DCDC1: variants seen among roughly 807,000 people sequenced by gnomAD.
DCDC1 encodes doublecortin domain-containing protein 1.
Under a neutral mutation model 178.3 loss-of-function variants are expected in DCDC1, and 200 were observed. The observed-to-expected ratio is 1.12, with a 90% CI of 1.00 to 1.26. The LOEUF (loss-of-function observed/expected upper bound fraction) is 1.26, where lower values mean the gene tolerates loss of function less well. DCDC1 is among the 50% of genes most tolerant of loss of function. The pLI is 0.00. For synonymous variants in DCDC1, 690 were observed against 604.8 expected, an observed-to-expected ratio of 1.14 and a Z score of -2.07; for missense variants, 1,983 against 1,749.2, an observed-to-expected ratio of 1.13 and a Z score of -2.38.
chr11:31,066,567 C>T (rs1451245094), intron 18 of DCDC1, among the ~76,000 whole-genome samples: 1 of 152,116 alleles, frequency 6.6e-6, no homozygotes, highest in Non-Finnish European at 1.5e-5. Context: ...TACTAAATAA[C>T]TTTTAACTTT....
intron 8 of DCDC1, among the ~76,000 whole-genome samples, chr11:31,257,780 A>G (rs1482786594): frequency 6.6e-6 from 1 of 151,956 alleles, no homozygotes; most frequent in Non-Finnish European, 1.5e-5. Context: ...GGTGAAGGAG[A>G]TCCATTCAAG....
At chr11:30,977,799 C>T (rs1412146409) in intron 20 of DCDC1, among the ~76,000 whole-genome samples, 2 of 152,100 alleles carry the variant, frequency 1.3e-5, no homozygotes, top group Non-Finnish European at 2.9e-5. Context: ...GGCATTGTGG[C>T]TTGCCTGTAT....
rs1190005127 is a variant in DCDC1, at chr11:31,031,964, C to A, written c.2591+32505G>T. Among the ~76,000 whole-genome samples, 3 of 152,040 alleles carry A rather than the reference C, an allele frequency of 2.0e-5. No homozygotes were observed. In the East Asian group the frequency reaches 5.8e-4, roughly 29 times the overall value. On this transcript the variant is annotated intron_variant, in intron 20 of 38. Coordinates refer to ENST00000684477, the MANE Select transcript of DCDC1 (RefSeq NM_001387274.1). ...TTGATATTCTGTAAATAATATTTTTCTAAGTGGTATATATTTAGTTAAATC... is the reference window on the plus strand; with the variant it reads ...TTGATATTCTGTAAATAATATTTTTATAAGTGGTATATATTTAGTTAAATC...
intron 9 of DCDC1, among the ~76,000 whole-genome samples, chr11:31,196,020 C>T (rs909257308): frequency 1.3e-5 from 2 of 152,040 alleles, no homozygotes; most frequent in South Asian, 4.1e-4. Flanking sequence ...CATCAAGGGC[C>T]AGTCTTGATT....
chr11:31,313,184 A>T (rs1948868527), intron 3 of DCDC1, among the ~76,000 whole-genome samples: 5 of 152,166 alleles, frequency 3.3e-5, no homozygotes, highest in Admixed American at 2.6e-4. Context: ...AGATTAAAAA[A>T]TAATTTTCCA....
At chr11:30,877,180 C>T (rs1942211401) in intron 38 of DCDC1, among the ~76,000 whole-genome samples, 1 of 152,120 alleles carries the variant, frequency 6.6e-6, no homozygotes, top group African/African-American at 2.4e-5. Flanking sequence ...GGAGTAAATA[C>T]TAGGCCTTTT....
In DCDC1 at chr11:31,314,864, C is replaced by T. The variant is rs114732970; in HGVS notation, c.165-6956G>A. Among the ~76,000 whole-genome samples the T allele has an allele frequency of 2.0e-3, 309 of 152,194 alleles. 1 individual carries two copies. The highest frequency in any genetic ancestry group is 7.0e-3 in the African/African-American group (292 of 41,512). On this transcript the variant is annotated intron_variant, in intron 3 of 38. Transcript: ENST00000684477. ...TGATATCTCATTATATTTACAGGTC[C>T]TAAAGATCTTAAACATGGTGGAATT...
intron 20 of DCDC1, among the ~76,000 whole-genome samples, chr11:31,057,716 C>G (rs1955674564): frequency 6.6e-6 from 1 of 152,082 alleles, no homozygotes. Context: ...TTGGGTCTAT[C>G]AAGTACATGG....
rs144331734 is a variant in DCDC1, at chr11:31,103,035, G to A, written c.1877+609C>T. Among the ~76,000 whole-genome samples, 128 of 152,316 alleles carry A rather than the reference G, an allele frequency of 8.4e-4. 1 individual carries two copies. Among genetic ancestry groups the A allele is most frequent in the Non-Finnish European group, 1.5e-3 (101 of 68,026 alleles). On this transcript the variant is annotated intron_variant, in intron 14 of 38. Coordinates refer to ENST00000684477, the MANE Select transcript of DCDC1 (RefSeq NM_001387274.1). ...ATGGAATAATAGGAGTAACGTAATT[G>A]TTGTGAGAATTAAATCGATCCTTAC...
At chr11:31,223,884 C>G (rs1452647136) in intron 9 of DCDC1, among the ~76,000 whole-genome samples, 2 of 151,888 alleles carry the variant, frequency 1.3e-5, no homozygotes, top group African/African-American at 4.8e-5. Flanking sequence ...TTGGCTGTGT[C>G]CCCACCAAAT....
At chr11:31,299,867 TA>T (rs1229759877) in intron 6 of DCDC1, among the ~76,000 whole-genome samples, 20 of 152,128 alleles carry the variant, frequency 1.3e-4, no homozygotes, top group Non-Finnish European at 2.4e-4. Flanking sequence ...TTTATTTATT[TA>T]TTTTTTTTGA....
At chr11:31,095,315 G>T (rs1958080218) in intron 15 of DCDC1, among the ~76,000 whole-genome samples, 1 of 152,124 alleles carries the variant, frequency 6.6e-6, no homozygotes, top group South Asian at 2.1e-4. Flanking sequence ...TAATGGGATT[G>T]CTGGGTCAAT....
intron 11 of DCDC1, among the ~76,000 whole-genome samples, chr11:31,120,943 A>G (rs1960707760): frequency 6.6e-6 from 1 of 152,168 alleles, no homozygotes; most frequent in Non-Finnish European, 1.5e-5. Context: ...AGTTGCATGG[A>G]AAGAACAGGA....
At chr11:31,299,148 C>T (rs1456259417) in intron 6 of DCDC1, among the ~76,000 whole-genome samples, 1 of 152,184 alleles carries the variant, frequency 6.6e-6, no homozygotes, top group Non-Finnish European at 1.5e-5. Flanking sequence ...AGTTTCTAGT[C>T]ACTCCCTTTT....
intron 37 of DCDC1, among the ~76,000 whole-genome samples, chr11:30,879,198 C>T (rs771515429): frequency 1.2e-4 from 19 of 152,102 alleles, no homozygotes; most frequent in Non-Finnish European, 2.8e-4. Flanking sequence ...TATTATAATG[C>T]ATAAAATAAG....
intron 1 of DCDC1, among the ~76,000 whole-genome samples, chr11:31,360,939 A>C (rs1315499997): frequency 1.3e-5 from 2 of 152,218 alleles, no homozygotes; most frequent in Non-Finnish European, 2.9e-5. Flanking sequence ...GAGAGTAATT[A>C]ATACATTTGG....
At chr11:31,173,515 T>C (rs1967532344) in intron 9 of DCDC1, among the ~76,000 whole-genome samples, 1 of 152,154 alleles carries the variant, frequency 6.6e-6, no homozygotes, top group South Asian at 2.1e-4. Flanking sequence ...TTGTATAAAT[T>C]AGAGAGTTTC....
intron 25 of DCDC1, among the ~76,000 whole-genome samples, chr11:30,920,522 A>G (rs1426849300): frequency 6.6e-6 from 1 of 152,232 alleles, no homozygotes; most frequent in African/African-American, 2.4e-5. Context: ...AATGCCTACT[A>G]TCCTAAAATT....
intron 20 of DCDC1, among the ~76,000 whole-genome samples, chr11:31,019,659 C>T (rs1952737006): frequency 6.6e-6 from 1 of 151,986 alleles, no homozygotes; most frequent in Non-Finnish European, 1.5e-5. Flanking sequence ...GATCATGTCA[C>T]GCCCCATTTA....
Sources: allele counts gnomAD v4.1 joint callset (sites outside exome capture counted in the v4.1 genomes callset), GRCh38; gene constraint gnomAD v4.1.1; transcripts MANE v1.5; gene names NCBI Gene and HGNC (gene_info 2026-07-23, HGNC 2026-07-21).